The following MYO1D variants were observed in gnomAD, a reference collection of about 807,000 sequenced individuals.
MYO1D encodes myosin ID.
Under a neutral mutation model 122.0 loss-of-function variants are expected in MYO1D, and 83 were observed. The ratio of observed to expected loss-of-function variants is 0.68; its 90% CI spans 0.57 to 0.82. The LOEUF (loss-of-function observed/expected upper bound fraction) is 0.82, where lower values mean the gene tolerates loss of function less well. MYO1D is among the 40% of genes least tolerant of loss of function. The pLI is 0.00. For synonymous variants in MYO1D, 464 were observed against 446.9 expected, an observed-to-expected ratio of 1.04 and a Z score of -0.48; for missense variants, 1,157 against 1,269.5, an observed-to-expected ratio of 0.91 and a Z score of 1.35.
In MYO1D at chr17:32,849,042, A is replaced by T. The variant is rs1354049311; in HGVS notation, c.95+27736T>A. ...AACTGGAACACAAAATCCCTTAAAA[A>T]TTAAGTGTTTTCCATGAAAAAATGC... On this transcript the variant is annotated intron_variant, in intron 1 of 21. Coordinates refer to ENST00000318217, the MANE Select transcript of MYO1D (RefSeq NM_015194.3). Among the ~76,000 whole-genome samples, 3 of 152,224 alleles carry T rather than the reference A, an allele frequency of 2.0e-5. No individual in the cohort carries two copies. The East Asian group carries it at 5.8e-4, about 29-fold the overall frequency.
chr17:32,846,297 C>T (rs2090937028), intron 1 of MYO1D, among the ~76,000 whole-genome samples: 1 of 152,170 alleles, frequency 6.6e-6, no homozygotes, highest in Non-Finnish European at 1.5e-5. Flanking sequence ...TTATCTCAGG[C>T]ATTAACCAAA....
At position 32,507,892 on chromosome 17, in the gene MYO1D, C is replaced by CTT. The variant is rs34271237; in HGVS notation, c.2865-12979_2865-12978dup. Among the ~76,000 whole-genome samples the CTT allele has an allele frequency of 1.9e-3, 206 of 109,260 alleles. 2 individuals are homozygous for CTT. The highest frequency in any genetic ancestry group is 3.0e-3 in the African/African-American group (80 of 26,728). 71.7% of individuals were successfully genotyped at this position (109,260 alleles called of 152,430 possible). On this transcript the variant is annotated intron_variant, in intron 21 of 21. Coordinates refer to ENST00000318217, the MANE Select transcript of MYO1D (RefSeq NM_015194.3). Reference sequence around the variant, plus strand: ...CTCACCAGAACCCAACCATGCTGGACTTTTTTTTTTTTTTTTTTTTTTGAG... The same window carrying CTT: ...CTCACCAGAACCCAACCATGCTGGACTTTTTTTTTTTTTTTTTTTTTTTTGAG...
intron 20 of MYO1D, among the ~76,000 whole-genome samples, chr17:32,628,776 T>C (rs2087961221): frequency 6.6e-6 from 1 of 152,194 alleles, no homozygotes; most frequent in South Asian, 2.1e-4. Flanking sequence ...CAGAAACTCA[T>C]TAATTCCTGG....
At chr17:32,765,864 T>C (rs2090050872) in intron 7 of MYO1D, among the ~76,000 whole-genome samples, 2 of 152,128 alleles carry the variant, frequency 1.3e-5, no homozygotes, top group Admixed American at 1.3e-4. Flanking sequence ...CGGGACTTAT[T>C]GAACAGTCTA....
chr17:32,722,782 C>T (rs1421870016), intron 14 of MYO1D, among the ~76,000 whole-genome samples: 1 of 152,086 alleles, frequency 6.6e-6, no homozygotes, highest in African/African-American at 2.4e-5. Context: ...GCCTTTGTTC[C>T]TGGTTTCTGG....
intron 20 of MYO1D, among the ~76,000 whole-genome samples, chr17:32,636,053 C>CG (rs2088094577): frequency 6.6e-6 from 1 of 152,064 alleles, no homozygotes; most frequent in Admixed American, 6.6e-5. Flanking sequence ...CCATTTCCTT[C>CG]AGTGATTCTC....
At chr17:32,517,866 G>GA (rs1190213420) in intron 21 of MYO1D, among the ~76,000 whole-genome samples, 1 of 152,256 alleles carries the variant, frequency 6.6e-6, no homozygotes, top group African/African-American at 2.4e-5. Flanking sequence ...AAGTGCCTGT[G>GA]AAGGAGCGGC....
intron 21 of MYO1D, among the ~76,000 whole-genome samples, chr17:32,519,506 C>T (rs1352742276): frequency 6.6e-6 from 1 of 151,942 alleles, no homozygotes; most frequent in Admixed American, 6.6e-5. Flanking sequence ...CGGCTTCGAG[C>T]GCGACGCGGT....
At chr17:32,850,499 C>A (rs2151081047) in intron 1 of MYO1D, among the ~76,000 whole-genome samples, 1 of 152,196 alleles carries the variant, frequency 6.6e-6, no homozygotes, top group East Asian at 1.9e-4. Flanking sequence ...TAAAAGTATT[C>A]TTCAGGAAAA....
At chr17:32,754,695 A>T (rs1431103590) in intron 11 of MYO1D, among the ~76,000 whole-genome samples, 1 of 152,220 alleles carries the variant, frequency 6.6e-6, no homozygotes, top group Non-Finnish European at 1.5e-5. Context: ...ATGGATGTGA[A>T]GGAGCAAGGG....
At chr17:32,818,106 A>G (rs2090628284) in intron 1 of MYO1D, among the ~76,000 whole-genome samples, 2 of 114,774 alleles carry the variant, frequency 1.7e-5, no homozygotes, top group Admixed American at 8.6e-5. Context: ...AGCCTGGGCG[A>G]CAGAGCGAGA....
chr17:32,868,946 T>C (rs1217271560), intron 1 of MYO1D, among the ~76,000 whole-genome samples: 2 of 152,030 alleles, frequency 1.3e-5, no homozygotes, highest in African/African-American at 4.8e-5. Context: ...CGGTGGCTCA[T>C]GCCTGTAATC....
rs372163200 is a variant in MYO1D at position 32,526,586 on chromosome 17, T to C, written c.2865-31671A>G. ...AGACTCTTTATCTAGATCTTGGTACTTCCTCTTCATAAAGCCTTCTTTTTT... is the reference window on the plus strand; with the variant it reads ...AGACTCTTTATCTAGATCTTGGTACCTCCTCTTCATAAAGCCTTCTTTTTT... On this transcript the variant is annotated intron_variant, in intron 21 of 21. Coordinates refer to ENST00000318217, the MANE Select transcript of MYO1D (RefSeq NM_015194.3). 9.7e-4 allele frequency among the ~76,000 whole-genome samples: 145 copies of C among 149,154 alleles called. 3 individuals are homozygous for C. The South Asian group carries it at 0.029, about 30-fold the overall frequency.
intron 1 of MYO1D, among the ~76,000 whole-genome samples, chr17:32,859,965 AACC>A (rs1255573171): frequency 6.6e-6 from 1 of 152,210 alleles, no homozygotes; most frequent in Non-Finnish European, 1.5e-5. Context: ...CCATCATGAT[AACC>A]ACATTCCTCT....
chr17:32,667,583 C>A (rs1264878492), intron 16 of MYO1D, among the ~76,000 whole-genome samples: 1 of 152,146 alleles, frequency 6.6e-6, no homozygotes, highest in Admixed American at 6.5e-5. Context: ...AAGAGCCACA[C>A]ACACACAAAA....
chr17:32,716,043 A>C (rs1415503308), intron 15 of MYO1D, among the ~76,000 whole-genome samples: 1 of 151,496 alleles, frequency 6.6e-6, no homozygotes, highest in African/African-American at 2.4e-5. Context: ...CATCAGTCAG[A>C]GTAGTTTTCT....
At chr17:32,875,099 C>A (rs529472574) in intron 1 of MYO1D, among the ~76,000 whole-genome samples, 1 of 152,176 alleles carries the variant, frequency 6.6e-6, no homozygotes, top group African/African-American at 2.4e-5. Context: ...AAATGAAAGG[C>A]TTCATATTCA....
chr17:32,691,161 A>G (rs1004927797), intron 16 of MYO1D, among the ~76,000 whole-genome samples: 3 of 151,446 alleles, frequency 2.0e-5, no homozygotes, highest in Non-Finnish European at 4.4e-5. Flanking sequence ...GGAGGCCAAC[A>G]CAGGAGGATT....
At chr17:32,782,934 T>TA (rs5819996) in intron 1 of MYO1D, among the ~76,000 whole-genome samples, 62,959 of 147,066 alleles carry the variant, frequency 0.43, 13,270 homozygotes, top group East Asian at 0.54. Context: ...GACTCCATCT[T>TA]AAAAAAAAAA....
Sources: gnomAD v4.1 joint callset for allele counts (sites outside exome capture counted in the v4.1 genomes callset) on GRCh38, gnomAD v4.1.1 for gene constraint, MANE v1.5 for transcripts, NCBI Gene and HGNC (gene_info 2026-07-23, HGNC 2026-07-21) for gene names.